Variants in GRIP1 observed in about 807,000 individuals in gnomAD.
GRIP1 encodes glutamate receptor-interacting protein 1.
A neutral mutation model predicts 129.9 loss-of-function variants in GRIP1; 45 were observed. That is an observed-to-expected ratio of 0.35 (90% CI 0.27 to 0.44). GRIP1 has a LOEUF of 0.44. GRIP1 is among the 20% of genes least tolerant of loss of function. GRIP1 has a pLI of 1.00. For missense variants in GRIP1, 1,196 were observed against 1,396.8 expected (o/e 0.86, Z 2.29); for synonymous variants, 530 against 520.8 (o/e 1.02, Z -0.24).
At chr12:66,378,746 A>G (rs1382376416) in intron 20 of GRIP1, among the ~76,000 whole-genome samples, 1 of 152,168 alleles carries the variant, frequency 6.6e-6, no homozygotes, top group African/African-American at 2.4e-5. Context: ...CTCCATCTCA[A>G]AAAATAAAAT....
chr12:66,539,569 T>TTTTTTC (rs869302195), intron 3 of GRIP1, among the ~76,000 whole-genome samples: 1 of 117,412 alleles, frequency 8.5e-6, no homozygotes, highest in African/African-American at 3.3e-5. Flanking sequence ...TTTTTTTTTT[T>TTTTTTC]CAGTTCTTTG....
At position 66,515,999 on chromosome 12, in the gene GRIP1, A is replaced by G. The variant is rs554126250; in HGVS notation, c.579-235T>C. Among the ~76,000 whole-genome samples, 10 of 152,242 alleles carry G rather than the reference A, an allele frequency of 6.6e-5. No individual in the cohort carries two copies. In the South Asian group the frequency reaches 1.5e-3, roughly 22 times the overall value. ...AACTACACATTAGCAAAAAAACCTA[A>G]TTACCCACAGGTAATTCTTGGAGTA... On this transcript the variant is annotated intron_variant, in intron 6 of 24. Transcript: ENST00000359742.
chr12:66,472,595 G>A (rs1362005584), intron 7 of GRIP1, among the ~76,000 whole-genome samples: 6 of 152,142 alleles, frequency 3.9e-5, no homozygotes, highest in African/African-American at 1.4e-4. Context: ...ACAGAAGGCG[G>A]GTGATTTCTG....
intron 1 of GRIP1, among the ~76,000 whole-genome samples, chr12:66,650,464 T>C (rs933902495): frequency 1.3e-5 from 2 of 152,202 alleles, no homozygotes; most frequent in African/African-American, 4.8e-5. Context: ...GAGTATGCTA[T>C]GTTATGGAAT....
At chr12:66,740,751 C>A (rs1356419555) in intron 1 of GRIP1, among the ~76,000 whole-genome samples, 1 of 151,914 alleles carries the variant, frequency 6.6e-6, no homozygotes, top group Non-Finnish European at 1.5e-5. Flanking sequence ...CACAACAACT[C>A]ATGAATATAT....
intron 1 of GRIP1, among the ~76,000 whole-genome samples, chr12:66,849,477 C>A (rs1052558214): frequency 6.6e-6 from 1 of 152,046 alleles, no homozygotes; most frequent in Non-Finnish European, 1.5e-5. Context: ...TGGCTGGGTA[C>A]AGTGGCTCAT....
intron 1 of GRIP1, among the ~76,000 whole-genome samples, chr12:66,764,753 A>T (rs17102885): frequency 0.013 from 1,995 of 152,180 alleles, 53 homozygotes; most frequent in African/African-American, 0.046. Flanking sequence ...CCAGCCATAA[A>T]GAATGTCACT....
chr12:66,374,570 C>T (rs1383939538), intron 22 of GRIP1, among the ~76,000 whole-genome samples: 1 of 152,276 alleles, frequency 6.6e-6, no homozygotes, highest in East Asian at 1.9e-4. Context: ...ATTATTTTTA[C>T]CTACTTAGAC....
chr12:66,679,714 C>G (rs2034510018), upstream of GRIP1, among the ~76,000 whole-genome samples: 1 of 152,144 alleles, frequency 6.6e-6, no homozygotes, highest in Non-Finnish European at 1.5e-5. Flanking sequence ...GCAACACAGT[C>G]AAGACTGTTT....
intron 1 of GRIP1, among the ~76,000 whole-genome samples, chr12:66,764,035 A>C (rs1486951911): frequency 6.6e-6 from 1 of 152,210 alleles, no homozygotes; most frequent in African/African-American, 2.4e-5. Flanking sequence ...AGCTGTGAAC[A>C]AGAAAGCTGT....
At chr12:66,904,858 C>T (rs1166748624) in intron 1 of GRIP1, among the ~76,000 whole-genome samples, 1 of 151,540 alleles carries the variant, frequency 6.6e-6, no homozygotes, top group Non-Finnish European at 1.5e-5. Flanking sequence ...CGCCACTGCA[C>T]TCCAGCCTGG....
chr12:66,597,319 G>C (rs1029267533), intron 1 of GRIP1, among the ~76,000 whole-genome samples: 2 of 152,120 alleles, frequency 1.3e-5, no homozygotes, highest in Admixed American at 6.5e-5. Context: ...GGTTCAATGG[G>C]CACTAAGAAT....
chr12:66,691,376 T>C (rs1465045419), intron 1 of GRIP1, among the ~76,000 whole-genome samples: 1 of 152,146 alleles, frequency 6.6e-6, no homozygotes, highest in East Asian at 1.9e-4. Context: ...ACACTAGAGG[T>C]TTCTTCCATA....
At chr12:66,723,031 C>T (rs758648741) in intron 1 of GRIP1, among the ~76,000 whole-genome samples, 4 of 151,390 alleles carry the variant, frequency 2.6e-5, no homozygotes, top group South Asian at 2.1e-4. Flanking sequence ...TCCATTTGTC[C>T]TCAGGCCTTT....
rs368423294 is a variant in GRIP1, at chr12:66,620,775, C to G, written c.56-23848G>C. On this transcript the variant is annotated intron_variant, in intron 1 of 24. Coordinates refer to ENST00000359742, the MANE Select transcript of GRIP1 (RefSeq NM_001366722.1). ...TGACACTCTTCCCACCCCTCACCCC[C>G]CCAACCCCTCCCCCCCAGACTTTTA... Among the ~76,000 whole-genome samples, 71 of 152,072 alleles carry G rather than the reference C, an allele frequency of 4.7e-4. 1 individual carries two copies. The highest frequency in any genetic ancestry group is 1.6e-3 in the African/African-American group (67 of 41,494).
At chr12:66,703,003 A>G (rs2035403270) in intron 1 of GRIP1, among the ~76,000 whole-genome samples, 1 of 152,164 alleles carries the variant, frequency 6.6e-6, no homozygotes, top group South Asian at 2.1e-4. Context: ...CCTTCACGGG[A>G]CCTTTGGAAG....
At chr12:66,549,986 A>G (rs2062072344) in intron 2 of GRIP1, among the ~76,000 whole-genome samples, 1 of 152,212 alleles carries the variant, frequency 6.6e-6, no homozygotes, top group South Asian at 2.1e-4. Flanking sequence ...TTTTAAAAAT[A>G]GATTGAACAG....
intron 1 of GRIP1, among the ~76,000 whole-genome samples, chr12:66,939,944 A>G (rs1427757767): frequency 2.0e-5 from 3 of 152,232 alleles, no homozygotes; most frequent in Non-Finnish European, 2.9e-5. Context: ...TGGTTACAAG[A>G]GACTAACATT....
At chr12:66,873,294 C>T (rs2040327598) in intron 1 of GRIP1, among the ~76,000 whole-genome samples, 2 of 152,048 alleles carry the variant, frequency 1.3e-5, no homozygotes, top group African/African-American at 4.8e-5. Context: ...ACTCTACCTC[C>T]TGATGGGGAA....
Sources: allele counts gnomAD v4.1 joint callset (sites outside exome capture counted in the v4.1 genomes callset), GRCh38; gene constraint gnomAD v4.1.1; transcripts MANE v1.5; gene names NCBI Gene and HGNC (gene_info 2026-07-23, HGNC 2026-07-21).